The following PTPRN2 variants were observed in gnomAD, a reference collection of about 807,000 sequenced individuals.
The protein encoded by PTPRN2 is protein tyrosine phosphatase receptor type N2.
PTPRN2 carries 74 observed loss-of-function variants against 118.8 expected under a neutral mutation model. The ratio of observed to expected loss-of-function variants is 0.62; its 90% CI spans 0.52 to 0.76. The LOEUF is 0.76. Ranked by LOEUF, PTPRN2 falls within the 30% of genes least tolerant of loss-of-function variation. PTPRN2 has a pLI of 0.00. For synonymous variants in PTPRN2, 641 were observed against 608.0 expected, an observed-to-expected ratio of 1.05 and a Z score of -0.80; for missense variants, 1,481 against 1,394.4, an observed-to-expected ratio of 1.06 and a Z score of -0.99.
At chr7:158,273,593 TGGGAGGAGCCGCAGACACGGGGA>T (rs1798690377) in intron 3 of PTPRN2, among the ~76,000 whole-genome samples, 2 of 31,176 alleles carry the variant, frequency 6.4e-5, no homozygotes, top group South Asian at 2.5e-3. Context: ...CAGACAGACA[TGGGAGGAGCCGCAGACACGGGGA>T]GCCGCAGGCA....
intron 2 of PTPRN2, among the ~76,000 whole-genome samples, chr7:158,441,782 A>G (rs368070086): frequency 1.6e-3 from 118 of 71,854 alleles, no homozygotes; most frequent in East Asian, 2.7e-3. Context: ...AGTGGTGGTG[A>G]TGGTGATAGT....
At chr7:157,572,609 T>C (rs961934650) in intron 19 of PTPRN2, among the ~76,000 whole-genome samples, 1 of 152,202 alleles carries the variant, frequency 6.6e-6, no homozygotes, top group African/African-American at 2.4e-5. Context: ...CAGAGCTTTC[T>C]CCTCCTCTCT....
At chr7:158,158,129 TATGA>T (rs772514291) in intron 6 of PTPRN2, among the ~76,000 whole-genome samples, 3 of 152,230 alleles carry the variant, frequency 2.0e-5, no homozygotes, top group Non-Finnish European at 4.4e-5. Flanking sequence ...TGCATTCAAA[TATGA>T]ATGAATTTCT....
chr7:157,692,675 G>A (rs544783003), intron 12 of PTPRN2, among the ~76,000 whole-genome samples: 21 of 152,356 alleles, frequency 1.4e-4, no homozygotes, highest in Admixed American at 1.3e-3. Context: ...GCCTGAGCGG[G>A]CTGCAGGAGG....
intron 12 of PTPRN2, among the ~76,000 whole-genome samples, chr7:157,775,342 C>T (rs946864687): frequency 1.3e-5 from 2 of 152,234 alleles, no homozygotes; most frequent in African/African-American, 4.8e-5. Flanking sequence ...CAGGCTACCT[C>T]ACCTCACCCT....
intron 13 of PTPRN2, among the ~76,000 whole-genome samples, chr7:157,675,247 C>T (rs77045719): frequency 0.048 from 7,272 of 152,292 alleles, 284 homozygotes; most frequent in East Asian, 0.13. Flanking sequence ...CTGAGCTGGG[C>T]CCACCTGACC....
chr7:158,337,164 A>C (rs1434458475), intron 2 of PTPRN2, among the ~76,000 whole-genome samples: 1 of 152,002 alleles, frequency 6.6e-6, no homozygotes, highest in African/African-American at 2.4e-5. Flanking sequence ...AAGAGGTGAC[A>C]CCTGCAGACG....
At chr7:157,728,323 C>T (rs572922564) in intron 12 of PTPRN2, among the ~76,000 whole-genome samples, 30 of 152,358 alleles carry the variant, frequency 2.0e-4, no homozygotes, top group African/African-American at 6.0e-4. Flanking sequence ...CAAGCCTCTC[C>T]GTCTAGGGGA....
At position 157,676,651 on chromosome 7, in the gene PTPRN2, C is replaced by A. The variant is rs1272663635; in HGVS notation, c.2001+6074G>T. Among the ~76,000 whole-genome samples the A allele has an allele frequency of 6.6e-6, 1 of 152,248 alleles. No homozygotes were observed. Among genetic ancestry groups the A allele is most frequent in the East Asian group, 1.9e-4 (1 of 5,192 alleles). On this transcript the variant is annotated intron_variant, in intron 13 of 22. Transcript: ENST00000389418. The surrounding 1 kb of genome is among the most constrained non-coding windows in gnomAD (Gnocchi z 5.6). Reference sequence around the variant, plus strand: ...CCGCCCAGTGCAGCTCTGCCACTGGCCCTGTGGGCTGGGGCGCCTCTCAGT... The same window carrying A: ...CCGCCCAGTGCAGCTCTGCCACTGGACCTGTGGGCTGGGGCGCCTCTCAGT...
chr7:157,656,277 C>A, intron 14 of PTPRN2, 80 bp downstream of exon 14: 1 of 1,392,022 alleles, frequency 7.2e-7, no homozygotes, highest in Admixed American at 2.1e-5. Context: ...GGTCAGCGGG[C>A]GCAGATGCTG....
At chr7:157,950,673 G>A (rs185452656) in intron 11 of PTPRN2, among the ~76,000 whole-genome samples, 61 of 152,306 alleles carry the variant, frequency 4.0e-4, no homozygotes, top group Admixed American at 1.7e-3. Flanking sequence ...CTGTGCAGCC[G>A]CCTCACCCAT....
intron 21 of PTPRN2, among the ~76,000 whole-genome samples, chr7:157,555,136 C>T (rs1421665526): frequency 6.6e-6 from 1 of 152,220 alleles, no homozygotes; most frequent in Non-Finnish European, 1.5e-5. Context: ...CGCTGGCACC[C>T]GAATGGCCAC....
At position 158,320,037 on chromosome 7, in the gene PTPRN2, CCT is replaced by C. The variant is rs552562462; in HGVS notation, c.164-3107_164-3106del. 1.7e-3 allele frequency among the ~76,000 whole-genome samples: 119 copies of C among 70,858 alleles called. 15 individuals carry two copies. Among genetic ancestry groups the C allele is most frequent in the African/African-American group, 6.7e-3 (114 of 16,968 alleles). 46.5% of individuals were successfully genotyped at this position (70,858 alleles called of 152,430 possible). ...CTCCCTCATACACACACACAGCCTC[CCT>C]CACACACACTCACAGTCTCCCTCAC... On this transcript the variant is annotated intron_variant, in intron 2 of 22. Coordinates refer to ENST00000389418, the MANE Select transcript of PTPRN2 (RefSeq NM_002847.5).
chr7:157,946,434 A>G (rs1305154569), intron 11 of PTPRN2, among the ~76,000 whole-genome samples: 1 of 152,216 alleles, frequency 6.6e-6, no homozygotes, highest in East Asian at 1.9e-4. Context: ...ATGGATGCCT[A>G]TTTTTGTCCC....
intron 14 of PTPRN2, among the ~76,000 whole-genome samples, chr7:157,628,861 A>G (rs766701989): frequency 3.2e-4 from 49 of 152,202 alleles, no homozygotes; most frequent in Non-Finnish European, 6.0e-4. Context: ...TTAAGGAAAT[A>G]CAACATGTCC....
chr7:158,376,103 C>T (rs564117140), intron 2 of PTPRN2, among the ~76,000 whole-genome samples: 15 of 152,306 alleles, frequency 9.8e-5, no homozygotes, highest in Admixed American at 4.6e-4. Context: ...GTCACAGACA[C>T]CCCACCCCTG....
chr7:157,951,630 T>G (rs1800816430), intron 11 of PTPRN2, among the ~76,000 whole-genome samples: 1 of 152,168 alleles, frequency 6.6e-6, no homozygotes, highest in Non-Finnish European at 1.5e-5. Context: ...TAAACGATGT[T>G]CCCGTGATCA....
At chr7:158,285,463 G>A (rs1799705956) in intron 3 of PTPRN2, among the ~76,000 whole-genome samples, 1 of 152,184 alleles carries the variant, frequency 6.6e-6, no homozygotes, top group South Asian at 2.1e-4. Context: ...AGCACAAGCA[G>A]AGCTGAGCGC....
At chr7:158,289,062 T>C (rs995429640) in intron 3 of PTPRN2, among the ~76,000 whole-genome samples, 2 of 152,198 alleles carry the variant, frequency 1.3e-5, no homozygotes, top group African/African-American at 2.4e-5. Flanking sequence ...AACTCCTTTA[T>C]ATGTGATTTG....
Sources: gnomAD v4.1 joint callset for allele counts (sites outside exome capture counted in the v4.1 genomes callset) on GRCh38, gnomAD v4.1.1 for gene constraint, Gnocchi (gnomAD v3.1) non-coding constraint, MANE v1.5 for transcripts, NCBI Gene and HGNC (gene_info 2026-07-23, HGNC 2026-07-21) for gene names.